Variants in ARSB observed in about 807,000 individuals in gnomAD.
The protein encoded by ARSB is arylsulfatase B.
ARSB carries 41 observed loss-of-function variants against 50.9 expected under a neutral mutation model. That is an observed-to-expected ratio of 0.81 (90% CI 0.63 to 1.04). The LOEUF (loss-of-function observed/expected upper bound fraction) is 1.04, where lower values mean the gene tolerates loss of function less well. ARSB is among the 50% of genes least tolerant of loss of function. The pLI, the probability that ARSB is intolerant of heterozygous loss-of-function variation, is 0.00. For synonymous variants in ARSB, 269 were observed against 284.8 expected (o/e 0.94, Z 0.56); for missense variants, 672 against 693.3 (o/e 0.97, Z 0.35).
chr5:78,870,192 A>G (rs949192498), intron 5 of ARSB, among the ~76,000 whole-genome samples: 1 of 148,738 alleles, frequency 6.7e-6, no homozygotes. Context: ...AACCAAAAAG[A>G]GTCCAGGACC....
chr5:78,795,309 G>A (rs1743138373), intron 6 of ARSB, among the ~76,000 whole-genome samples: 1 of 152,158 alleles, frequency 6.6e-6, no homozygotes, highest in Non-Finnish European at 1.5e-5. Context: ...GACCCTAGGG[G>A]GATGCTGGTG....
chr5:78,873,039 A>G (rs1412044803), intron 5 of ARSB, among the ~76,000 whole-genome samples: 1 of 152,184 alleles, frequency 6.6e-6, no homozygotes, highest in Non-Finnish European at 1.5e-5. Context: ...GAGTTAAAAA[A>G]AATAGAAAAT....
At chr5:78,803,189 C>T (rs758546821) in intron 6 of ARSB, among the ~76,000 whole-genome samples, 12 of 152,234 alleles carry the variant, frequency 7.9e-5, no homozygotes, top group Non-Finnish European at 1.8e-4. Flanking sequence ...CAGTGGGACT[C>T]GTCTGCTTTC....
intron 6 of ARSB, among the ~76,000 whole-genome samples, chr5:78,796,777 C>T (rs1038322501): frequency 6.6e-6 from 1 of 152,122 alleles, no homozygotes; most frequent in Non-Finnish European, 1.5e-5. Flanking sequence ...CCTCAGCCTC[C>T]CGAGTAGCTG....
chr5:78,916,599 GT>G (rs1343215026), intron 4 of ARSB, among the ~76,000 whole-genome samples: 1 of 152,112 alleles, frequency 6.6e-6, no homozygotes, highest in Non-Finnish European at 1.5e-5. Context: ...ACATCAATTT[GT>G]TCTGCAGATT....
At chr5:78,796,403 T>TCCAAAAGACATA (rs1318000417) in intron 6 of ARSB, among the ~76,000 whole-genome samples, 2 of 152,180 alleles carry the variant, frequency 1.3e-5, no homozygotes, top group Non-Finnish European at 2.9e-5. Context: ...GCTAGGAGAT[T>TCCAAAAGACATA]CCAAAAGACA....
In ARSB at chr5:78,984,927, C is replaced by CG. The variant is rs1561196989; in HGVS notation, c.312+9dup. The CG allele has an allele frequency of 5.2e-6, 7 of 1,338,114 alleles. No individual in the cohort carries two copies. Among genetic ancestry groups the CG allele is most frequent in the Non-Finnish European group, 6.7e-6 (7 of 1,046,562 alleles). The allele number at this position is 1,338,114 out of a possible 1,614,324, so 82.9% of individuals were successfully genotyped here. A position where few individuals can be genotyped will look rare whatever the true frequency, so the allele number is the denominator to read the frequency against. On this transcript the variant is annotated intron_variant, in intron 1 of 7. Coordinates refer to ENST00000264914, the MANE Select transcript of ARSB (RefSeq NM_000046.5). ...GCGGGGGCGGCGCGGGCGGCGGGGG[C>CG]GCCGCGTACCTGGTAGCGGCCAGTG... is the stretch of plus-strand genomic sequence containing the variant.
rs1406969234 is a variant in ARSB, at chr5:78,964,513, T to C, written c.593A>G (p.Asp198Gly). The change falls in exon 3 of 8, where the codon GAT becomes GGT. Residue 198 changes from aspartate (D) to glycine (G), a missense_variant. Physicochemically the swap from Asp to Gly is moderately conservative, Grantham distance 94. Coordinates refer to ENST00000264914, the MANE Select transcript of ARSB (RefSeq NM_000046.5). ...NVTRCALDFR[D>G]GEEVATGYKN... ...ATATCCTGTTGCAACTTCTTCGCCA[T>C]CTCGAAAATCAAGAGCACATCGTGT... is the stretch of plus-strand genomic sequence containing the variant. The C allele has an allele frequency of 6.2e-7, 1 of 1,614,084 alleles. No homozygotes were observed. Among genetic ancestry groups the C allele is most frequent in the Non-Finnish European group, 8.5e-7 (1 of 1,179,952 alleles).
intron 5 of ARSB, among the ~76,000 whole-genome samples, chr5:78,869,179 T>C (rs1000992233): frequency 1.2e-4 from 16 of 130,134 alleles, no homozygotes; most frequent in Admixed American, 5.3e-4. Flanking sequence ...CTGAGTGACC[T>C]ACAAAGAGAC....
intron 6 of ARSB, among the ~76,000 whole-genome samples, chr5:78,827,729 A>C (rs991855292): frequency 1.3e-5 from 2 of 152,226 alleles, no homozygotes; most frequent in Non-Finnish European, 2.9e-5. Flanking sequence ...GCAGTGCCTA[A>C]ACCAGCCTTT....
intron 2 of ARSB, among the ~76,000 whole-genome samples, chr5:78,965,069 G>A (rs1258540180): frequency 6.6e-6 from 1 of 152,096 alleles, no homozygotes. Flanking sequence ...GTGGTTCTAG[G>A]AAGAGTCATC....
chr5:78,941,165 C>T (rs1428338310), intron 4 of ARSB, among the ~76,000 whole-genome samples: 3 of 151,224 alleles, frequency 2.0e-5, no homozygotes, highest in African/African-American at 7.3e-5. Context: ...AGTTGCTTAT[C>T]AGCTTAAGGA....
intron 6 of ARSB, among the ~76,000 whole-genome samples, chr5:78,783,030 C>T (rs1748968387): frequency 6.6e-6 from 1 of 152,104 alleles, no homozygotes; most frequent in South Asian, 2.1e-4. Context: ...TTGTGGAAGA[C>T]CCTGGTGGGT....
At chr5:78,879,734 G>A (rs1747654271) in intron 5 of ARSB, among the ~76,000 whole-genome samples, 1 of 152,164 alleles carries the variant, frequency 6.6e-6, no homozygotes, top group Non-Finnish European at 1.5e-5. Flanking sequence ...AATGTGACTG[G>A]GCGATTTCTG....
At chr5:78,815,834 A>G (rs977388176) in intron 6 of ARSB, 2 of 1,339,794 alleles carry the variant, frequency 1.5e-6, no homozygotes, top group Non-Finnish European at 1.9e-6. Context: ...TCTCATCTTC[A>G]AAGATATTTT....
At chr5:78,903,760 T>G (rs1293749905) in intron 4 of ARSB, among the ~76,000 whole-genome samples, 1 of 152,202 alleles carries the variant, frequency 6.6e-6, no homozygotes, top group Non-Finnish European at 1.5e-5. Flanking sequence ...GACTTCAAAA[T>G]AGATAAGAGA....
chr5:78,947,582 A>G (rs997951111), intron 4 of ARSB, among the ~76,000 whole-genome samples: 1 of 152,220 alleles, frequency 6.6e-6, no homozygotes, highest in African/African-American at 2.4e-5. Context: ...CTGCAGTGAG[A>G]TATCCTCTCA....
chr5:78,914,011 G>T (rs1348535042), intron 4 of ARSB, among the ~76,000 whole-genome samples: 3 of 149,946 alleles, frequency 2.0e-5, no homozygotes, highest in Non-Finnish European at 4.4e-5. Context: ...CACCCAGGCA[G>T]GAGTGCGGTG....
intron 4 of ARSB, among the ~76,000 whole-genome samples, chr5:78,952,331 T>C (rs1435727496): frequency 6.9e-5 from 1 of 14,534 alleles, no homozygotes. Context: ...TGCACTCTTC[T>C]TTCTTTCTTT....
Sources: allele counts gnomAD v4.1 joint callset (sites outside exome capture counted in the v4.1 genomes callset), GRCh38; gene constraint gnomAD v4.1.1; transcripts MANE v1.5; gene names NCBI Gene and HGNC (gene_info 2026-07-23, HGNC 2026-07-21).